Variants in TANGO6 observed in about 807,000 individuals in gnomAD.
The protein encoded by TANGO6 is transport and golgi organization 6 homolog.
TANGO6 carries 90 observed loss-of-function variants against 114.2 expected under a neutral mutation model. That is an observed-to-expected ratio of 0.79 (90% CI 0.66 to 0.94). TANGO6 has a LOEUF of 0.94. TANGO6 is among the 40% of genes least tolerant of loss of function. The pLI is 0.00. For synonymous variants in TANGO6, 477 were observed against 509.8 expected, an observed-to-expected ratio of 0.94 and a Z score of 0.87; for missense variants, 1,274 against 1,315.3, an observed-to-expected ratio of 0.97 and a Z score of 0.49.
rs993685091 is a variant in TANGO6, at chr16:68,859,948, C to G, written c.159C>G (p.Asn53Lys). 1.7e-5 allele frequency: 28 copies of G among 1,611,146 alleles called. No homozygotes were observed. The highest frequency in any genetic ancestry group is 2.4e-5 in the Non-Finnish European group (28 of 1,177,978). ...TCTTGTTGGCTACTTTAAAATCTAACCTGTCTGCTTTGGAGGACAAGTTTC... is the reference window on the plus strand; with the variant it reads ...TCTTGTTGGCTACTTTAAAATCTAAGCTGTCTGCTTTGGAGGACAAGTTTC... Reference protein sequence around the residue: ...HDVLLATLKSNLSALEDKFLK... With the variant: ...HDVLLATLKSKLSALEDKFLK... Residue 53 changes from asparagine (N) to lysine (K), a missense_variant, in exon 2 of 18, where the codon AAC (asparagine) becomes AAG (lysine). This residue lies in a region of TANGO6 where 114 missense variants were observed against 104.6 expected (regional missense o/e 1.09). Transcript: ENST00000261778.
chr16:68,937,549 C>G (rs2152200573), intron 14 of TANGO6: 1 of 152,324 alleles, frequency 6.6e-6, no homozygotes, highest in Non-Finnish European at 1.5e-5. Context: ...TCCCCTTGCT[C>G]ACTCCCCCAA....
chr16:68,860,392 C>G lies in TANGO6; in HGVS notation c.603C>G (p.Ala201=). 1 of 1,613,932 alleles carries G rather than the reference C, an allele frequency of 6.2e-7. No homozygotes were observed. The highest frequency in any genetic ancestry group is 8.5e-7 in the Non-Finnish European group (1 of 1,179,884). ...ATRRLYTSCK[A]LLNVAQHTSL... ...GAAGACTGTACACCAGCTGCAAGGCCCTTCTGAATGTTGCTCAGCACACAT... is the reference window on the plus strand; with the variant it reads ...GAAGACTGTACACCAGCTGCAAGGCGCTTCTGAATGTTGCTCAGCACACAT... Residue 201 remains alanine, a synonymous_variant, in exon 2 of 18, where the codon GCC becomes GCG. Transcript: ENST00000261778.
At chr16:68,888,163 T>C (rs1198269380) in intron 7 of TANGO6, among the ~76,000 whole-genome samples, 1 of 152,182 alleles carries the variant, frequency 6.6e-6, no homozygotes, top group Non-Finnish European at 1.5e-5. Context: ...ACCTTCTATC[T>C]GGTAAAATTA....
chr16:69,059,760 G>A (rs1167648999), intron 17 of TANGO6, among the ~76,000 whole-genome samples: 1 of 152,014 alleles, frequency 6.6e-6, no homozygotes, highest in Non-Finnish European at 1.5e-5. Context: ...AATTCTCCTG[G>A]GTCAACAGGT....
At chr16:68,986,174 A>C (rs1179347343) in intron 15 of TANGO6, among the ~76,000 whole-genome samples, 1 of 152,238 alleles carries the variant, frequency 6.6e-6, no homozygotes, top group East Asian at 1.9e-4. Context: ...AGTTTACTCT[A>C]GGCCAGAGAC....
chr16:68,946,279 C>T (rs1396593674), intron 14 of TANGO6, among the ~76,000 whole-genome samples: 3 of 151,778 alleles, frequency 2.0e-5, no homozygotes, highest in Non-Finnish European at 4.4e-5. Flanking sequence ...GCAAGCTCCG[C>T]CTCCCGGGTT....
At chr16:68,847,776 G>T (rs1169782900) in intron 1 of TANGO6, among the ~76,000 whole-genome samples, 1 of 152,108 alleles carries the variant, frequency 6.6e-6, no homozygotes, top group Non-Finnish European at 1.5e-5. Context: ...ATGGCGGGTG[G>T]ATCTCCCGAG....
intron 12 of TANGO6, among the ~76,000 whole-genome samples, chr16:68,925,428 G>C (rs1963155146): frequency 6.6e-6 from 1 of 152,148 alleles, no homozygotes; most frequent in Non-Finnish European, 1.5e-5. Flanking sequence ...AGACCTATCT[G>C]TTAAGGTCTT....
chr16:68,987,529 C>T (rs1324205368), intron 15 of TANGO6, among the ~76,000 whole-genome samples: 1 of 152,046 alleles, frequency 6.6e-6, no homozygotes, highest in Non-Finnish European at 1.5e-5. Context: ...CCACCATGCC[C>T]GGCCAACTTT....
At chr16:68,859,832 G>A (rs1962060807) in intron 1 of TANGO6, 52 bp from the exon 2 acceptor site, 1 of 1,496,612 alleles carries the variant, frequency 6.7e-7, no homozygotes, top group Admixed American at 2.4e-5. Flanking sequence ...ACAGGGGGAA[G>A]TGCAGCTTGT....
chr16:68,874,284 C>T (rs906176390), intron 4 of TANGO6, among the ~76,000 whole-genome samples: 7 of 152,180 alleles, frequency 4.6e-5, no homozygotes, highest in Admixed American at 1.3e-4. Flanking sequence ...AGATGCCAGG[C>T]TTCATTTGGG....
chr16:68,927,832 C>T lies in TANGO6; in HGVS notation c.2392C>T (p.Gln798Ter), dbSNP rs1366313698. 6.2e-7 allele frequency: 1 copy of T among 1,613,928 alleles called. No homozygotes were observed. Among genetic ancestry groups the T allele is most frequent in the Non-Finnish European group, 8.5e-7 (1 of 1,179,912 alleles). Residue 798 changes from glutamine (Q) to a stop codon, truncating the protein, a stop_gained, in exon 13 of 18, where the codon CAG becomes TAG. Transcript: ENST00000261778. LOFTEE classifies it high-confidence loss of function. ...TDVAHSHLEQ[Q>*]QSHETAPQTG... Reference sequence around the variant, plus strand: ...TGTAGCTCATAGCCACCTTGAACAACAGCAGAGCCATGAGACAGCCCCCCA... The same window carrying T: ...TGTAGCTCATAGCCACCTTGAACAATAGCAGAGCCATGAGACAGCCCCCCA...
At chr16:68,948,686 TG>T (rs1277746848) in intron 14 of TANGO6, among the ~76,000 whole-genome samples, 1 of 152,228 alleles carries the variant, frequency 6.6e-6, no homozygotes, top group African/African-American at 2.4e-5. Flanking sequence ...GCTTGATTTT[TG>T]TTTTATTTTT....
chr16:68,895,682 T>C (rs1026170848), intron 7 of TANGO6, among the ~76,000 whole-genome samples: 8 of 152,308 alleles, frequency 5.3e-5, no homozygotes, highest in African/African-American at 1.9e-4. Context: ...GAAGAGTAAA[T>C]ATATGGCAGG....
chr16:69,043,742 C>T lies in TANGO6; in HGVS notation c.3108+3321C>T, dbSNP rs147503320. On this transcript the variant is annotated intron_variant, in intron 17 of 17. Coordinates refer to ENST00000261778, the MANE Select transcript of TANGO6 (RefSeq NM_024562.2). ...TTCTCTTTATGGCTCTGTTTTGCCC[C>T]CAGGAACAGCTGAAGTGAAAATGCC... 8.7e-3 allele frequency among the ~76,000 whole-genome samples: 1,329 copies of T among 152,250 alleles called. 5 individuals are homozygous for T. The highest frequency in any genetic ancestry group is 0.015 in the Non-Finnish European group (997 of 68,022).
At chr16:68,924,705 G>T (rs150386915) in intron 12 of TANGO6, among the ~76,000 whole-genome samples, 1 of 151,514 alleles carries the variant, frequency 6.6e-6, no homozygotes, top group Non-Finnish European at 1.5e-5. Flanking sequence ...CAGGAGGATC[G>T]CTTGAACGTG....
rs1481439178 is a variant in TANGO6, at chr16:69,040,397, G to A, written c.3084G>A (p.Arg1028=). The A allele has an allele frequency of 6.2e-7, 1 of 1,605,376 alleles. No homozygotes were observed. Among genetic ancestry groups the A allele is most frequent in the Middle Eastern group, 1.6e-4 (1 of 6,074 alleles). The part of the protein sequence containing the change: ...AAIHVVVLLL[R]GLSQKATEVL... The stretch of plus-strand genomic sequence containing the variant: ...TACATGTGGTTGTGCTGCTGCTTCG[G>A]GGACTCAGCCAGAAAGCTACTGAGG... The change falls in exon 17 of 18, where the codon CGG becomes CGA. Residue 1028 remains arginine, a synonymous_variant. Coordinates refer to ENST00000261778, the MANE Select transcript of TANGO6 (RefSeq NM_024562.2).
At chr16:68,875,769 C>CAAA (rs5817658) in intron 5 of TANGO6, among the ~76,000 whole-genome samples, 2 of 113,420 alleles carry the variant, frequency 1.8e-5, no homozygotes, top group African/African-American at 3.1e-5. Flanking sequence ...AACTCCGTCT[C>CAAA]AAAAAAAAAA....
At chr16:68,857,201 C>T (rs1777429657) in intron 1 of TANGO6, among the ~76,000 whole-genome samples, 1 of 152,170 alleles carries the variant, frequency 6.6e-6, no homozygotes. Context: ...TTTTTACTGT[C>T]TCTATAGTTT....
Sources: gnomAD v4.1 joint callset for allele counts (sites outside exome capture counted in the v4.1 genomes callset) on GRCh38, gnomAD v4.1.1 for gene constraint, gnomAD v4.1.1 regional missense constraint, MANE v1.5 for transcripts, NCBI Gene and HGNC (gene_info 2026-07-23, HGNC 2026-07-21) for gene names.